Variants in ADAMTSL1 observed in about 807,000 individuals in gnomAD.
ADAMTSL1 encodes the protein ADAMTS-like protein 1.
A neutral mutation model predicts 201.8 loss-of-function variants in ADAMTSL1; 126 were observed. The ratio of observed to expected loss-of-function variants is 0.62; its 90% confidence interval spans 0.54 to 0.72. The LOEUF (loss-of-function observed/expected upper bound fraction) is 0.72, where lower values mean the gene tolerates loss of function less well. ADAMTSL1 is among the 30% of genes least tolerant of loss of function. The pLI is 0.00. For synonymous variants in ADAMTSL1, 1,121 were observed against 903.4 expected (o/e 1.24, Z -4.32); for missense variants, 2,679 against 2,277.8 (o/e 1.18, Z -3.59).
At chr9:18,524,985 T>C (rs1486104792) in intron 2 of ADAMTSL1, among the ~76,000 whole-genome samples, 1 of 152,250 alleles carries the variant, frequency 6.6e-6, no homozygotes, top group African/African-American at 2.4e-5. Context: ...TCCCTCTTTT[T>C]CTATTGATTG....
intron 2 of ADAMTSL1, among the ~76,000 whole-genome samples, chr9:18,187,738 A>G (rs1197086690): frequency 6.6e-6 from 1 of 152,122 alleles, no homozygotes; most frequent in East Asian, 1.9e-4. Context: ...AATAAGAAGG[A>G]AGGATGGCAG....
chr9:18,273,703 C>T (rs539905165), intron 2 of ADAMTSL1, among the ~76,000 whole-genome samples: 3 of 152,258 alleles, frequency 2.0e-5, no homozygotes, highest in African/African-American at 7.2e-5. Context: ...AAGCCAAATT[C>T]AGATTCATTT....
intron 3 of ADAMTSL1, among the ~76,000 whole-genome samples, chr9:18,557,206 C>T (rs1236389256): frequency 6.6e-6 from 1 of 152,000 alleles, no homozygotes; most frequent in Non-Finnish European, 1.5e-5. Context: ...AGAGAACACC[C>T]TGTCTCTTGC....
intron 1 of ADAMTSL1, among the ~76,000 whole-genome samples, chr9:18,041,020 T>C (rs1160984971): frequency 6.6e-6 from 1 of 152,208 alleles, no homozygotes; most frequent in African/African-American, 2.4e-5. Context: ...AAATGCTTAT[T>C]GATATTTACC....
chr9:18,091,436 G>A (rs116732827), intron 1 of ADAMTSL1, among the ~76,000 whole-genome samples: 104 of 152,154 alleles, frequency 6.8e-4, no homozygotes, highest in African/African-American at 2.4e-3. Context: ...CCTGGCCTCT[G>A]GCTGTGCCCT....
intron 14 of ADAMTSL1, among the ~76,000 whole-genome samples, chr9:18,711,885 T>G (rs532383352): frequency 5.4e-5 from 8 of 147,022 alleles, no homozygotes; most frequent in Non-Finnish European, 9.1e-5. Flanking sequence ...TCTCCCAGCA[T>G]GCAGCTGGAG....
intron 1 of ADAMTSL1, among the ~76,000 whole-genome samples, chr9:18,020,609 C>A (rs546325594): frequency 6.6e-6 from 1 of 152,032 alleles, no homozygotes; most frequent in East Asian, 1.9e-4. Flanking sequence ...AACAGCAGGG[C>A]GGAGACCACC....
At chr9:18,059,856 T>C (rs958653902) in intron 1 of ADAMTSL1, among the ~76,000 whole-genome samples, 2 of 152,214 alleles carry the variant, frequency 1.3e-5, no homozygotes, top group African/African-American at 4.8e-5. Flanking sequence ...AAATCTTATT[T>C]AGATACCATT....
intron 2 of ADAMTSL1, among the ~76,000 whole-genome samples, chr9:18,253,017 TG>T (rs1831527091): frequency 6.6e-6 from 1 of 152,224 alleles, no homozygotes; most frequent in Non-Finnish European, 1.5e-5. Flanking sequence ...GAATTGATTG[TG>T]GCATGTCCAT....
chr9:18,706,033 A>G (rs1228753259), intron 13 of ADAMTSL1, among the ~76,000 whole-genome samples: 1 of 152,216 alleles, frequency 6.6e-6, no homozygotes, highest in African/African-American at 2.4e-5. Context: ...GTAAAGGAAT[A>G]AAAGGGTGGC....
chr9:18,193,137 T>G (rs1829037784), intron 2 of ADAMTSL1, among the ~76,000 whole-genome samples: 1 of 152,134 alleles, frequency 6.6e-6, no homozygotes, highest in South Asian at 2.1e-4. Context: ...TGTTTGGGTT[T>G]CCCATTCCTC....
At chr9:18,206,746 T>C (rs1360482106) in intron 2 of ADAMTSL1, among the ~76,000 whole-genome samples, 1 of 152,198 alleles carries the variant, frequency 6.6e-6, no homozygotes, top group Non-Finnish European at 1.5e-5. Context: ...TAATTACTTA[T>C]TTTGCGTTCC....
chr9:18,471,309 G>A (rs1196692226), upstream of ADAMTSL1, among the ~76,000 whole-genome samples: 1 of 152,136 alleles, frequency 6.6e-6, no homozygotes, highest in Non-Finnish European at 1.5e-5. Context: ...AATATGAGAT[G>A]AGGGTGGATT....
At chr9:18,091,912 A>T (rs1824038308) in intron 1 of ADAMTSL1, among the ~76,000 whole-genome samples, 1 of 152,140 alleles carries the variant, frequency 6.6e-6, no homozygotes, top group Non-Finnish European at 1.5e-5. Flanking sequence ...GCTGCAAGGA[A>T]ATCACAAAGG....
rs1247116079 is a variant in ADAMTSL1 at position 18,136,986 on chromosome 9, G to T, written c.88-26876G>T. Among the ~76,000 whole-genome samples, 4 of 152,282 alleles carry T rather than the reference G, an allele frequency of 2.6e-5. No individual in the cohort carries two copies. The East Asian group carries it at 5.8e-4, about 22-fold the overall frequency. Reference sequence around the variant, plus strand: ...GGACAAGGCCTGAACTCTGAGGCAGGGTGTCTGAGTATCATGGGAAGGGAA... The same window carrying T: ...GGACAAGGCCTGAACTCTGAGGCAGTGTGTCTGAGTATCATGGGAAGGGAA... On this transcript the variant is annotated intron_variant, in intron 1 of 29. Transcript: ENST00000680146.
intron 2 of ADAMTSL1, among the ~76,000 whole-genome samples, chr9:18,312,843 A>G (rs1834208163): frequency 6.6e-6 from 1 of 152,162 alleles, no homozygotes; most frequent in South Asian, 2.1e-4. Flanking sequence ...TAGTGGAAAG[A>G]GTGTTTTTAA....
intron 13 of ADAMTSL1, among the ~76,000 whole-genome samples, chr9:18,698,643 A>T (rs1831717183): frequency 6.6e-6 from 1 of 152,192 alleles, no homozygotes; most frequent in South Asian, 2.1e-4. Flanking sequence ...CTAGAAAAGG[A>T]GACTGAGAAG....
At chr9:18,426,098 G>A (rs1819208269) in intron 2 of ADAMTSL1, among the ~76,000 whole-genome samples, 1 of 152,078 alleles carries the variant, frequency 6.6e-6, no homozygotes, top group East Asian at 1.9e-4. Flanking sequence ...ACACTTTGCT[G>A]GAAGTTCACT....
At chr9:18,238,919 C>T (rs1356795358) in intron 2 of ADAMTSL1, among the ~76,000 whole-genome samples, 3 of 152,130 alleles carry the variant, frequency 2.0e-5, no homozygotes, top group Non-Finnish European at 2.9e-5. Flanking sequence ...TGTTCCAGAC[C>T]ATTGCAACAA....
Sources: gnomAD v4.1 joint callset for allele counts (sites outside exome capture counted in the v4.1 genomes callset) on GRCh38, gnomAD v4.1.1 for gene constraint, MANE v1.5 for transcripts, NCBI Gene and HGNC (gene_info 2026-07-23, HGNC 2026-07-21) for gene names.